The following RMDN2 variants were observed in gnomAD, a reference collection of about 807,000 sequenced individuals.
The protein encoded by RMDN2 is regulator of microtubule dynamics protein 2.
Under a neutral mutation model 52.8 loss-of-function variants are expected in RMDN2, and 61 were observed. The ratio of observed to expected loss-of-function variants is 1.16; its 90% CI spans 0.94 to 1.43. The LOEUF (loss-of-function observed/expected upper bound fraction) is 1.43, where lower values mean the gene tolerates loss of function less well. Ranked by LOEUF, RMDN2 falls within the 40% of genes most tolerant of loss-of-function variation. The pLI is 0.00. For synonymous variants in RMDN2, 180 were observed against 153.1 expected, an observed-to-expected ratio of 1.18 and a Z score of -1.30; for missense variants, 592 against 475.3, an observed-to-expected ratio of 1.25 and a Z score of -2.28.
rs72904063 is a variant in RMDN2 at position 38,014,584 on chromosome 2, G to A, written c.1180-2602G>A. 1.7e-3 allele frequency among the ~76,000 whole-genome samples: 261 copies of A among 152,330 alleles called. 3 individuals carry two copies. The highest frequency in any genetic ancestry group is 5.7e-3 in the African/African-American group (237 of 41,578). ...GATAGTCACTACCCAAATGCTAGGA[G>A]AATAATGACAGTTTAATGTAAATAA... On this transcript the variant is annotated intron_variant, in intron 10 of 10. Coordinates refer to ENST00000354545, the MANE Select transcript of RMDN2 (RefSeq NM_001170791.3).
chr2:38,015,685 C>T (rs1340810917), intron 10 of RMDN2, among the ~76,000 whole-genome samples: 3 of 152,200 alleles, frequency 2.0e-5, no homozygotes, highest in African/African-American at 7.2e-5. Context: ...AGATGTGATT[C>T]TGGAGAAAAT....
At chr2:37,972,716 G>A (rs142113358) in intron 2 of RMDN2, among the ~76,000 whole-genome samples, 5 of 152,188 alleles carry the variant, frequency 3.3e-5, no homozygotes, top group Non-Finnish European at 7.4e-5. Flanking sequence ...AGACCAAGGT[G>A]GTAGTGGGGA....
intron 10 of RMDN2, among the ~76,000 whole-genome samples, chr2:38,026,244 C>T (rs1334078097): frequency 1.3e-5 from 2 of 152,000 alleles, no homozygotes; most frequent in Admixed American, 1.3e-4. Context: ...AATTTGTTGG[C>T]ACAAATTTAA....
intron 3 of RMDN2, chr2:37,974,843 T>C (rs1672259354): frequency 1.0e-5 from 2 of 196,872 alleles, no homozygotes; most frequent in Non-Finnish European, 2.0e-5. Context: ...TTTACAGATA[T>C]TAACTGAGAT....
At chr2:37,966,294 G>A (rs189379420) in intron 2 of RMDN2, among the ~76,000 whole-genome samples, 2 of 152,176 alleles carry the variant, frequency 1.3e-5, no homozygotes, top group Admixed American at 6.5e-5. Context: ...GCAGGCACCT[G>A]TAGTCCCAGC....
At position 37,952,252 on chromosome 2, in the gene RMDN2, C is replaced by T. The variant is rs113249685; in HGVS notation, c.453-21788C>T. 1.5e-3 allele frequency: 2,389 copies of T among 1,562,816 alleles called. 33 individuals carry two copies. The African/African-American group carries it at 0.026, about 17-fold the overall frequency. On this transcript the variant is annotated intron_variant, in intron 2 of 10. Coordinates refer to ENST00000354545, the MANE Select transcript of RMDN2 (RefSeq NM_001170791.3). Reference sequence around the variant, plus strand: ...AGAAGGGCACCTCAAATAGTTTTCCCACCAGTCACTTTCATAGCCTGTAGA... The same window carrying T: ...AGAAGGGCACCTCAAATAGTTTTCCTACCAGTCACTTTCATAGCCTGTAGA...
At chr2:38,062,774 C>CT (rs1230932580) in intron 10 of RMDN2, among the ~76,000 whole-genome samples, 3 of 119,160 alleles carry the variant, frequency 2.5e-5, no homozygotes, top group Non-Finnish European at 6.1e-5. Flanking sequence ...CCCCTTCCCC[C>CT]CCCCCACAAC....
intron 2 of RMDN2, among the ~76,000 whole-genome samples, chr2:37,958,514 T>C (rs1051497521): frequency 2.0e-5 from 3 of 151,080 alleles, no homozygotes; most frequent in African/African-American, 7.4e-5. Context: ...CTGAAGTTGC[T>C]TATCAGCTTA....
At position 37,929,380 on chromosome 2, in the gene RMDN2, A is replaced by G; in HGVS notation, c.103A>G (p.Ile35Val). ...LWYHKVRKPG[I>V]AMKLPEFLSL... ...GTACCACAAGGTCCGTAAACCAGGG[A>G]TAGCAATGAAGTTACCTGAATTTCT... Residue 35 changes from isoleucine (I) to valine (V), a missense_variant, in exon 2 of 11, where the codon ATA (isoleucine) becomes GTA (valine). By Grantham distance (29) the Ile-to-Val change is conservative. Coordinates refer to ENST00000354545, the MANE Select transcript of RMDN2 (RefSeq NM_001170791.3). 2 of 1,551,648 alleles carry G rather than the reference A, an allele frequency of 1.3e-6. No homozygotes were observed. Among genetic ancestry groups the G allele is most frequent in the East Asian group, 2.4e-5 (1 of 40,912 alleles).
chr2:38,041,453 G>A (rs77113413), intron 10 of RMDN2, among the ~76,000 whole-genome samples: 3,694 of 37,544 alleles, frequency 0.098, 168 homozygotes, highest in African/African-American at 0.28. Flanking sequence ...TGGACGTTTT[G>A]TACTAAGCAG....
At chr2:37,948,034 C>T (rs994861572) in intron 2 of RMDN2, among the ~76,000 whole-genome samples, 2 of 152,154 alleles carry the variant, frequency 1.3e-5, no homozygotes, top group South Asian at 2.1e-4. Context: ...CCTCAGAAGA[C>T]GCTTCTGCCT....
At chr2:38,011,375 T>A (rs1677964952) in intron 10 of RMDN2, among the ~76,000 whole-genome samples, 1 of 152,212 alleles carries the variant, frequency 6.6e-6, no homozygotes, top group African/African-American at 2.4e-5. Flanking sequence ...TGTTGACTGG[T>A]GTTGTGGGAA....
At chr2:37,923,958 C>T (rs1666107385), upstream of RMDN2, among the ~76,000 whole-genome samples, 1 of 152,188 alleles carries the variant, frequency 6.6e-6, no homozygotes, top group Non-Finnish European at 1.5e-5. Context: ...TCATATTGGC[C>T]AGGCTGGTCA....
intron 2 of RMDN2, chr2:37,950,520 T>C: frequency 6.2e-7 from 1 of 1,612,936 alleles, no homozygotes; most frequent in South Asian, 1.1e-5. Context: ...GGGCATTTTA[T>C]GGCTTAAGGA....
chr2:38,061,972 T>A (rs1345876254), intron 10 of RMDN2, among the ~76,000 whole-genome samples: 4 of 152,190 alleles, frequency 2.6e-5, no homozygotes, highest in African/African-American at 9.7e-5. Flanking sequence ...CTTGTTCACA[T>A]CTCTAGGCCT....
intron 10 of RMDN2, among the ~76,000 whole-genome samples, chr2:38,027,620 T>C (rs1679876843): frequency 6.6e-6 from 1 of 152,228 alleles, no homozygotes; most frequent in Non-Finnish European, 1.5e-5. Flanking sequence ...AAATTAGACA[T>C]TGGTTAGAGC....
At chr2:37,980,220 A>T (rs1253703784) in intron 4 of RMDN2, among the ~76,000 whole-genome samples, 1 of 152,214 alleles carries the variant, frequency 6.6e-6, no homozygotes, top group Non-Finnish European at 1.5e-5. Flanking sequence ...TTTGAGAAAG[A>T]TTCTCAGAAC....
chr2:37,984,742 T>C (rs1673773264), intron 5 of RMDN2, among the ~76,000 whole-genome samples: 2 of 152,168 alleles, frequency 1.3e-5, no homozygotes, highest in Non-Finnish European at 2.9e-5. Flanking sequence ...AAAAATACAG[T>C]GTTCTTGTCA....
At chr2:38,065,917 C>T (rs1341059172) in intron 10 of RMDN2, among the ~76,000 whole-genome samples, 1 of 152,194 alleles carries the variant, frequency 6.6e-6, no homozygotes, top group African/African-American at 2.4e-5. Flanking sequence ...CAGTTACTGC[C>T]TGTCTGTAGT....
Sources: allele counts gnomAD v4.1 joint callset (sites outside exome capture counted in the v4.1 genomes callset), GRCh38; gene constraint gnomAD v4.1.1; transcripts MANE v1.5; gene names NCBI Gene and HGNC (gene_info 2026-07-23, HGNC 2026-07-21).